The following MAGI3 variants were observed in gnomAD, a reference collection of about 807,000 sequenced individuals.
MAGI3 encodes membrane associated guanylate kinase, WW and PDZ domain containing 3, also known as membrane-associated guanylate kinase, WW and PDZ domain-containing protein 3.
A neutral mutation model predicts 121.8 loss-of-function variants in MAGI3; 43 were observed. The ratio of observed to expected loss-of-function variants is 0.35; its 90% CI spans 0.28 to 0.46. The LOEUF is 0.46. MAGI3 is among the 20% of genes least tolerant of loss of function. The probability of loss-of-function intolerance (pLI) is 1.00; values close to 1 mark genes in which losing one functional copy is unlikely to be tolerated. For missense variants in MAGI3, 1,547 were observed against 1,797.3 expected (o/e 0.86, Z 2.52); for synonymous variants, 553 against 639.3 (o/e 0.86, Z 2.04).
At chr1:113,641,022 AAT>A (rs1491113387) in intron 9 of MAGI3, among the ~76,000 whole-genome samples, 3 of 15,128 alleles carry the variant, frequency 2.0e-4, no homozygotes, top group African/African-American at 1.3e-3. Flanking sequence ...TATGATATAT[AAT>A]ATATATGATA....
intron 19 of MAGI3, among the ~76,000 whole-genome samples, chr1:113,676,626 C>G (rs1181656821): frequency 4.6e-5 from 7 of 152,204 alleles, no homozygotes; most frequent in African/African-American, 1.7e-4. Flanking sequence ...CTCATGAGGG[C>G]TTTGCATATA....
At chr1:113,516,330 G>GA (rs1265438295) in intron 1 of MAGI3, among the ~76,000 whole-genome samples, 1 of 121,478 alleles carries the variant, frequency 8.2e-6, no homozygotes, top group Non-Finnish European at 1.6e-5. Context: ...GACTGGGTTG[G>GA]AAAAAACTAC....
rs115828973 is a variant in MAGI3 at position 113,453,175 on chromosome 1, A to G, written c.316+61826A>G. 5.0e-3 allele frequency among the ~76,000 whole-genome samples: 761 copies of G among 152,290 alleles called. 3 individuals are homozygous for G. Among genetic ancestry groups the G allele is most frequent in the Non-Finnish European group, 8.7e-3 (593 of 68,010 alleles). On this transcript the variant is annotated intron_variant, in intron 1 of 20. Coordinates refer to ENST00000307546, the MANE Select transcript of MAGI3 (RefSeq NM_001142782.2). ...AATGGTTGATTAATTGAAAATGACAATTAAGATAGGGAATTACATAAATTG... is the reference window on the plus strand; with the variant it reads ...AATGGTTGATTAATTGAAAATGACAGTTAAGATAGGGAATTACATAAATTG...
intron 7 of MAGI3, among the ~76,000 whole-genome samples, chr1:113,617,106 C>G (rs373009801): frequency 3.3e-5 from 5 of 152,106 alleles, no homozygotes; most frequent in South Asian, 2.1e-4. Flanking sequence ...CCAGGCTGGT[C>G]TTAAACTCCT....
intron 13 of MAGI3, 58 bp from the exon 14 acceptor site, chr1:113,650,956 T>G: frequency 6.7e-7 from 1 of 1,483,690 alleles, no homozygotes; most frequent in South Asian, 1.2e-5. Flanking sequence ...TAGGAATTCC[T>G]TAACTCTTCA....
chr1:113,485,055 C>A (rs1185273046), intron 1 of MAGI3, among the ~76,000 whole-genome samples: 1 of 151,972 alleles, frequency 6.6e-6, no homozygotes, highest in African/African-American at 2.4e-5. Flanking sequence ...TTTTCTTTAT[C>A]CACTCATTGT....
At chr1:113,448,515 G>A (rs1007062743) in intron 1 of MAGI3, among the ~76,000 whole-genome samples, 4 of 152,144 alleles carry the variant, frequency 2.6e-5, no homozygotes. Flanking sequence ...TTTGTGTGTG[G>A]CAGTATTTCT....
chr1:113,511,266 G>A (rs1452429411), intron 1 of MAGI3, among the ~76,000 whole-genome samples: 2 of 152,108 alleles, frequency 1.3e-5, no homozygotes, highest in Admixed American at 6.5e-5. Flanking sequence ...GGTAGGGGGA[G>A]GTAACCTTAA....
At chr1:113,412,727 G>GTT (rs143700768) in intron 1 of MAGI3, among the ~76,000 whole-genome samples, 4 of 151,288 alleles carry the variant, frequency 2.6e-5, no homozygotes, top group South Asian at 2.1e-4. Context: ...GTTTTTGTTT[G>GTT]TTTTTTTTCT....
At chr1:113,523,492 A>G (rs1181269641) in intron 1 of MAGI3, among the ~76,000 whole-genome samples, 1 of 152,182 alleles carries the variant, frequency 6.6e-6, no homozygotes. Flanking sequence ...GTGGTCTCAG[A>G]TGGAAATGAG....
At chr1:113,400,095 T>C (rs1394594996) in intron 1 of MAGI3, among the ~76,000 whole-genome samples, 1 of 152,132 alleles carries the variant, frequency 6.6e-6, no homozygotes, top group Non-Finnish European at 1.5e-5. Context: ...AACTGTTTAA[T>C]TACCAAAAAT....
chr1:113,566,949 T>G (rs549062014), intron 2 of MAGI3, among the ~76,000 whole-genome samples: 2 of 145,424 alleles, frequency 1.4e-5, no homozygotes, highest in Non-Finnish European at 3.0e-5. Flanking sequence ...AGAGCAGAGA[T>G]AAACTGAATA....
At chr1:113,673,296 C>A (rs1227926196) in intron 18 of MAGI3, 26 bp from the exon 19 acceptor site, 1 of 1,603,488 alleles carries the variant, frequency 6.2e-7, no homozygotes. Flanking sequence ...TGAGAACTTG[C>A]TTTTCTTATA....
At chr1:113,461,729 T>C (rs1655047797) in intron 1 of MAGI3, among the ~76,000 whole-genome samples, 1 of 152,236 alleles carries the variant, frequency 6.6e-6, no homozygotes. Flanking sequence ...AAGTGAGATC[T>C]AATTAAACTT....
In MAGI3 at chr1:113,545,412, G is replaced by A. The variant is rs141379077; in HGVS notation, c.317-4103G>A. ...CATGTTGTATCTTGACTTTCGCCAA[G>A]TGGTTGACAGTGTTTCCTTAACTAT... On this transcript the variant is annotated intron_variant, in intron 1 of 20. Coordinates refer to ENST00000307546, the MANE Select transcript of MAGI3 (RefSeq NM_001142782.2). 2.0e-5 allele frequency among the ~76,000 whole-genome samples: 3 copies of A among 152,230 alleles called. No homozygotes were observed. In the East Asian group the frequency reaches 5.8e-4, roughly 29 times the overall value.
chr1:113,516,610 GA>G (rs1346270905), intron 1 of MAGI3, among the ~76,000 whole-genome samples: 3 of 151,910 alleles, frequency 2.0e-5, no homozygotes, highest in Non-Finnish European at 2.9e-5. Context: ...TTAATAAATT[GA>G]AGTGAAGTAG....
chr1:113,631,000 A>G (rs1264799313), intron 9 of MAGI3, among the ~76,000 whole-genome samples: 1 of 152,068 alleles, frequency 6.6e-6, no homozygotes, highest in Non-Finnish European at 1.5e-5. Context: ...GTCTCCAATC[A>G]CTGGAATGGG....
intron 2 of MAGI3, among the ~76,000 whole-genome samples, chr1:113,572,899 C>T (rs1423554496): frequency 1.3e-5 from 2 of 151,210 alleles, no homozygotes; most frequent in African/African-American, 2.4e-5. Context: ...TTCAGTTCTG[C>T]TTTGATCTTG....
At chr1:113,420,984 T>G (rs745598323) in intron 1 of MAGI3, among the ~76,000 whole-genome samples, 3 of 152,182 alleles carry the variant, frequency 2.0e-5, no homozygotes, top group Non-Finnish European at 4.4e-5. Context: ...TCTCCATACG[T>G]TTTTAATGAC....
Sources: allele counts gnomAD v4.1 joint callset (sites outside exome capture counted in the v4.1 genomes callset), GRCh38; gene constraint gnomAD v4.1.1; transcripts MANE v1.5; gene names NCBI Gene and HGNC (gene_info 2026-07-23, HGNC 2026-07-21).